FAT3: variants seen among roughly 807,000 people sequenced by gnomAD.
FAT3 encodes the protein protocadherin Fat 3.
A neutral mutation model predicts 310.2 loss-of-function variants in FAT3; 95 were observed. That is an observed-to-expected ratio of 0.31 (90% confidence interval 0.26 to 0.36). The LOEUF (loss-of-function observed/expected upper bound fraction) is 0.36. Ranked by LOEUF, FAT3 falls within the 10% of genes least tolerant of loss-of-function variation. The pLI is 1.00. For synonymous variants in FAT3, 2,314 were observed against 2,192.9 expected, an observed-to-expected ratio of 1.06 and a Z score of -1.54; for missense variants, 5,408 against 5,715.6, an observed-to-expected ratio of 0.95 and a Z score of 1.74.
At chr11:92,864,646 T>C (rs1949194388) in intron 21 of FAT3, among the ~76,000 whole-genome samples, 1 of 152,104 alleles carries the variant, frequency 6.6e-6, no homozygotes, top group African/African-American at 2.4e-5. Context: ...TGAAACCCTG[T>C]CTCTACTGAA....
At chr11:92,617,226 T>A (rs1054028362) in intron 3 of FAT3, among the ~76,000 whole-genome samples, 2 of 152,244 alleles carry the variant, frequency 1.3e-5, no homozygotes, top group African/African-American at 2.4e-5. Context: ...TTTCATTCAT[T>A]TGATCTTCCA....
intron 9 of FAT3, among the ~76,000 whole-genome samples, chr11:92,793,989 A>T (rs1321551109): frequency 6.6e-6 from 1 of 152,182 alleles, no homozygotes; most frequent in Non-Finnish European, 1.5e-5. Context: ...TTCTTGTATT[A>T]GGCACCCACA....
intron 2 of FAT3, among the ~76,000 whole-genome samples, chr11:92,450,824 A>G (rs997036563): frequency 2.6e-5 from 4 of 152,198 alleles, no homozygotes; most frequent in Non-Finnish European, 5.9e-5. Context: ...ATGAATTTGC[A>G]TTGTTTAGAA....
chr11:92,449,053 C>T (rs568629891), intron 2 of FAT3, among the ~76,000 whole-genome samples: 4 of 152,206 alleles, frequency 2.6e-5, no homozygotes, highest in South Asian at 2.1e-4. Context: ...CACACTGGCC[C>T]GGGCTCAATG....
At chr11:92,872,950 G>A (rs1949427329) in intron 22 of FAT3, among the ~76,000 whole-genome samples, 1 of 152,114 alleles carries the variant, frequency 6.6e-6, no homozygotes, top group Non-Finnish European at 1.5e-5. Context: ...CATACTAATT[G>A]AGGCTCACAT....
chr11:92,445,420 T>C (rs1277463109), intron 2 of FAT3, among the ~76,000 whole-genome samples: 1 of 152,144 alleles, frequency 6.6e-6, no homozygotes, highest in Middle Eastern at 3.4e-3. Context: ...CTGGTTTTCA[T>C]TGTTCTCCCA....
At chr11:92,808,236 A>C (rs748242343) in intron 12 of FAT3, among the ~76,000 whole-genome samples, 1 of 152,228 alleles carries the variant, frequency 6.6e-6, no homozygotes, top group African/African-American at 2.4e-5. Context: ...AAGTTAACCA[A>C]TAATAACAAT....
chr11:92,603,323 A>G (rs796780997), intron 3 of FAT3, among the ~76,000 whole-genome samples: 8 of 152,344 alleles, frequency 5.3e-5, no homozygotes, highest in African/African-American at 1.9e-4. Flanking sequence ...ACTAGATTGT[A>G]TATGAATAAG....
intron 2 of FAT3, among the ~76,000 whole-genome samples, chr11:92,437,357 A>G (rs918255211): frequency 9.9e-5 from 15 of 152,202 alleles, no homozygotes; most frequent in African/African-American, 3.4e-4. Context: ...CACAGTATTA[A>G]TTGTCAGCAG....
At chr11:92,276,802 G>T (rs754000379) in intron 1 of FAT3, among the ~76,000 whole-genome samples, 3 of 152,126 alleles carry the variant, frequency 2.0e-5, no homozygotes, top group Non-Finnish European at 4.4e-5. Context: ...TTGAGTTTGG[G>T]GTAGTTTGTT....
At chr11:92,732,549 A>G (rs777490914) in intron 4 of FAT3, among the ~76,000 whole-genome samples, 1 of 152,194 alleles carries the variant, frequency 6.6e-6, no homozygotes. Context: ...ATCTGACAGT[A>G]GAGAATCAGA....
At chr11:92,523,516 A>G (rs1591398802) in intron 2 of FAT3, among the ~76,000 whole-genome samples, 1 of 152,290 alleles carries the variant, frequency 6.6e-6, no homozygotes, top group East Asian at 1.9e-4. Context: ...TGTACTTGGC[A>G]GTTTGCTTAT....
At chr11:92,577,162 G>A (rs527508650) in intron 3 of FAT3, among the ~76,000 whole-genome samples, 1 of 152,018 alleles carries the variant, frequency 6.6e-6, no homozygotes, top group African/African-American at 2.4e-5. Context: ...CCAGGCTGTA[G>A]TGCAGTGACA....
chr11:92,563,696 A>G (rs1297304726), intron 3 of FAT3, among the ~76,000 whole-genome samples: 1 of 152,186 alleles, frequency 6.6e-6, no homozygotes, highest in Non-Finnish European at 1.5e-5. Flanking sequence ...CTCTCGGCAG[A>G]AACTCTACAA....
At chr11:92,718,847 T>C (rs1791560) in intron 4 of FAT3, among the ~76,000 whole-genome samples, 47,461 of 151,954 alleles carry the variant, frequency 0.31, 7,687 homozygotes, top group Non-Finnish European at 0.33. Flanking sequence ...GCACTCTAAG[T>C]CTAATGATCT....
At chr11:92,305,939 G>T (rs1336821748) in intron 1 of FAT3, among the ~76,000 whole-genome samples, 1 of 152,090 alleles carries the variant, frequency 6.6e-6, no homozygotes, top group Admixed American at 6.6e-5. Context: ...TAAGATTATA[G>T]TATCAATGTT....
chr11:92,599,026 A>AT (rs1324004933), intron 3 of FAT3, among the ~76,000 whole-genome samples: 2 of 152,160 alleles, frequency 1.3e-5, no homozygotes, highest in African/African-American at 4.8e-5. Context: ...AGCTTCTGAG[A>AT]ATACAGCCTG....
intron 1 of FAT3, among the ~76,000 whole-genome samples, chr11:92,237,184 G>A (rs11019881): frequency 0.15 from 22,906 of 152,046 alleles, 2,063 homozygotes; most frequent in East Asian, 0.38. Context: ...ATAAATAGTG[G>A]GAAAGTAATT....
intron 1 of FAT3, among the ~76,000 whole-genome samples, chr11:92,329,012 G>T (rs1213926455): frequency 6.6e-6 from 1 of 151,406 alleles, no homozygotes; most frequent in African/African-American, 2.4e-5. Context: ...CAATAAAGAA[G>T]AATATGAAAT....
Sources: allele counts gnomAD v4.1 joint callset (sites outside exome capture counted in the v4.1 genomes callset), GRCh38; gene constraint gnomAD v4.1.1; transcripts MANE v1.5; gene names NCBI Gene and HGNC (gene_info 2026-07-23, HGNC 2026-07-21).